The following GALNT13 variants were observed in gnomAD, a reference collection of about 807,000 sequenced individuals.
The protein encoded by GALNT13 is UDP-GalNAc:polypeptide N-acetylgalactosaminyltransferase 13.
A neutral mutation model predicts 64.2 loss-of-function variants in GALNT13; 28 were observed. The observed-to-expected ratio is 0.44, with a 90% confidence interval of 0.32 to 0.60. The LOEUF (loss-of-function observed/expected upper bound fraction) is 0.60. GALNT13 is among the 20% of genes least tolerant of loss of function. The pLI is 0.05. For synonymous variants in GALNT13, 214 were observed against 224.6 expected (o/e 0.95, Z 0.42); for missense variants, 577 against 669.8 (o/e 0.86, Z 1.53).
At chr2:154,264,342 C>CT (rs1314683541) in intron 8 of GALNT13, among the ~76,000 whole-genome samples, 2 of 151,724 alleles carry the variant, frequency 1.3e-5, no homozygotes, top group Non-Finnish European at 2.9e-5. Flanking sequence ...CATGGATAGT[C>CT]TGGATGTGGT....
At chr2:153,928,228 A>G (rs546057750) in intron 2 of GALNT13, among the ~76,000 whole-genome samples, 6 of 152,142 alleles carry the variant, frequency 3.9e-5, no homozygotes, top group Admixed American at 6.6e-5. Flanking sequence ...GGAAGCCTAG[A>G]TAAGAAATAA....
intron 8 of GALNT13, among the ~76,000 whole-genome samples, chr2:154,298,681 C>CAATGTATATAT (rs1553511478): frequency 5.6e-4 from 3 of 5,314 alleles, no homozygotes; most frequent in East Asian, 8.8e-3. Flanking sequence ...ATTGTATATA[C>CAATGTATATAT]AATTTATATA....
chr2:154,389,470 C>A (rs1391719193), intron 9 of GALNT13, among the ~76,000 whole-genome samples: 1 of 152,138 alleles, frequency 6.6e-6, no homozygotes, highest in Non-Finnish European at 1.5e-5. Flanking sequence ...AATAATTTCC[C>A]TTTTAAGTTA....
At chr2:153,395,626 T>C in the GALNT13 span, among the ~76,000 whole-genome samples, 1 of 152,122 alleles carries the variant, frequency 6.6e-6, no homozygotes, top group East Asian at 1.9e-4. Context: ...TATGATGTGG[T>C]TGTAGATGAA....
chr2:153,301,513 A>T, the GALNT13 span, among the ~76,000 whole-genome samples: 1 of 152,088 alleles, frequency 6.6e-6, no homozygotes, highest in Non-Finnish European at 1.5e-5. Flanking sequence ...TGTATATATT[A>T]CCTTATATAT....
intron 3 of GALNT13, among the ~76,000 whole-genome samples, chr2:154,048,490 A>T (rs893773601): frequency 6.6e-6 from 1 of 152,190 alleles, no homozygotes; most frequent in Non-Finnish European, 1.5e-5. Flanking sequence ...ATTTATTTTG[A>T]CTGATAGTCT....
At chr2:154,441,834 G>A (rs909561247) in intron 12 of GALNT13, 6 of 152,050 alleles carry the variant, frequency 3.9e-5, no homozygotes, top group Admixed American at 3.3e-4. Flanking sequence ...AAAAGAGAAG[G>A]AATACAGTTC....
At chr2:154,181,193 C>A (rs1231520635) in intron 4 of GALNT13, among the ~76,000 whole-genome samples, 1 of 152,108 alleles carries the variant, frequency 6.6e-6, no homozygotes, top group Non-Finnish European at 1.5e-5. Flanking sequence ...TATTTAGTCA[C>A]TTTTATGATT....
chr2:153,812,177 T>C, the GALNT13 span, among the ~76,000 whole-genome samples: 65 of 152,322 alleles, frequency 4.3e-4, no homozygotes, highest in African/African-American at 1.5e-3. Context: ...TCATGCATAT[T>C]GTATGAACAT....
chr2:153,359,474 G>T, the GALNT13 span, among the ~76,000 whole-genome samples: 11 of 151,588 alleles, frequency 7.3e-5, no homozygotes, highest in African/African-American at 2.4e-4. Context: ...AGGAAAAACA[G>T]TCAGACTTCA....
At chr2:153,500,464 G>T in the GALNT13 span, among the ~76,000 whole-genome samples, 1 of 152,138 alleles carries the variant, frequency 6.6e-6, no homozygotes, top group Non-Finnish European at 1.5e-5. Context: ...TTTCAAAAAA[G>T]AAACCTGCGG....
At chr2:154,115,575 G>A (rs1314815621) in intron 3 of GALNT13, among the ~76,000 whole-genome samples, 2 of 151,838 alleles carry the variant, frequency 1.3e-5, no homozygotes, top group African/African-American at 4.8e-5. Context: ...CACCCACCAT[G>A]ACACATGGCT....
the GALNT13 span, among the ~76,000 whole-genome samples, chr2:153,291,884 T>C: frequency 6.6e-5 from 10 of 152,110 alleles, no homozygotes; most frequent in Non-Finnish European, 1.3e-4. Flanking sequence ...GGGTGTGTCT[T>C]TGTGTGTGTC....
intron 4 of GALNT13, among the ~76,000 whole-genome samples, chr2:154,196,342 G>C (rs779277817): frequency 3.9e-5 from 6 of 151,912 alleles, no homozygotes; most frequent in Non-Finnish European, 7.4e-5. Flanking sequence ...TGTGATTTTT[G>C]GCTACATACA....
At chr2:154,294,993 G>C (rs1031224686) in intron 8 of GALNT13, among the ~76,000 whole-genome samples, 1 of 152,126 alleles carries the variant, frequency 6.6e-6, no homozygotes. Context: ...ACATATTTTG[G>C]AGTATTATGT....
At position 154,107,150 on chromosome 2, in the gene GALNT13, A is replaced by G. The variant is rs749993791; in HGVS notation, c.143-33187A>G. On this transcript the variant is annotated intron_variant, in intron 3 of 12. Transcript: ENST00000392825. Reference sequence around the variant, plus strand: ...TAAGGCATCACCATAAGCTGAGCAGATGGTAACACCATGTATCTTGTGCAG... The same window carrying G: ...TAAGGCATCACCATAAGCTGAGCAGGTGGTAACACCATGTATCTTGTGCAG... Among the ~76,000 whole-genome samples, 107 of 152,322 alleles carry G rather than the reference A, an allele frequency of 7.0e-4. 1 individual carries two copies. The highest frequency in any genetic ancestry group is 1.3e-3 in the Non-Finnish European group (89 of 68,024).
chr2:154,382,846 CTG>C lies in GALNT13; in HGVS notation c.1157-13142_1157-13141del, dbSNP rs1320431858. Among the ~76,000 whole-genome samples the C allele has an allele frequency of 3.3e-5, 5 of 151,448 alleles. No individual in the cohort carries two copies. In the East Asian group the frequency reaches 9.7e-4, roughly 29 times the overall value. On this transcript the variant is annotated intron_variant, in intron 9 of 12. Coordinates refer to ENST00000392825, the MANE Select transcript of GALNT13 (RefSeq NM_052917.4). Reference sequence around the variant, plus strand: ...TTAGTAGTGTGTCTTAACTGAGAGACTGTGGTTATGGAATTTGTGTTTTTCTT... The same window carrying C: ...TTAGTAGTGTGTCTTAACTGAGAGACTGGTTATGGAATTTGTGTTTTTCTT...
chr2:154,269,765 G>A (rs190356283), intron 8 of GALNT13, among the ~76,000 whole-genome samples: 27 of 150,936 alleles, frequency 1.8e-4, no homozygotes, highest in Middle Eastern at 3.5e-3. Context: ...CCACCACTTT[G>A]CTTTGAACCA....
chr2:154,139,056 G>A (rs2105574499), intron 3 of GALNT13, among the ~76,000 whole-genome samples: 1 of 151,962 alleles, frequency 6.6e-6, no homozygotes, highest in African/African-American at 2.4e-5. Flanking sequence ...ATATGTGAGA[G>A]GATTTCAAGG....
Sources: allele counts gnomAD v4.1 joint callset (sites outside exome capture counted in the v4.1 genomes callset), GRCh38; gene constraint gnomAD v4.1.1; transcripts MANE v1.5; gene names NCBI Gene and HGNC (gene_info 2026-07-23, HGNC 2026-07-21).